NWD2: variants seen among roughly 807,000 people sequenced by gnomAD.
The protein encoded by NWD2 is NACHT and WD repeat domain-containing protein 2.
A neutral mutation model predicts 132.7 loss-of-function variants in NWD2; 37 were observed. The ratio of observed to expected loss-of-function variants is 0.28; its 90% CI spans 0.21 to 0.37. The LOEUF is 0.37. Among genes scored for constraint, NWD2 ranks in the 10% least tolerant of loss-of-function variants. The pLI is 1.00. For missense variants in NWD2, 1,592 were observed against 2,122.4 expected (o/e 0.75, Z 4.91); for synonymous variants, 705 against 803.0 (o/e 0.88, Z 2.06).
intron 3 of NWD2, among the ~76,000 whole-genome samples, chr4:37,395,610 G>C (rs201951502): frequency 1.7e-3 from 83 of 49,364 alleles, no homozygotes; most frequent in African/African-American, 5.1e-3. Flanking sequence ...AAAAAAAAAA[G>C]AGTCTGCCTC....
chr4:37,277,583 T>TA (rs879451062), intron 1 of NWD2, among the ~76,000 whole-genome samples: 11 of 151,784 alleles, frequency 7.2e-5, no homozygotes, highest in South Asian at 4.2e-4. Flanking sequence ...ACTCTAAATT[T>TA]AAAAAAAAAT....
chr4:37,329,423 G>A (rs927858576), intron 2 of NWD2, among the ~76,000 whole-genome samples: 4 of 152,180 alleles, frequency 2.6e-5, no homozygotes, highest in Non-Finnish European at 4.4e-5. Flanking sequence ...GAAAGACTCG[G>A]TGATAAGGCA....
chr4:37,272,250 TTGTTC>T (rs1717886908), intron 1 of NWD2, among the ~76,000 whole-genome samples: 1 of 151,718 alleles, frequency 6.6e-6, no homozygotes, highest in Non-Finnish European at 1.5e-5. Context: ...AGGAAGGATA[TTGTTC>T]TGTAGTTTTC....
chr4:37,262,004 T>C (rs1006585991), intron 1 of NWD2, among the ~76,000 whole-genome samples: 3 of 152,206 alleles, frequency 2.0e-5, no homozygotes, highest in African/African-American at 7.2e-5. Flanking sequence ...GTCATTGTAC[T>C]GGAAAGTAGA....
At chr4:37,366,002 A>G (rs1039354019) in intron 3 of NWD2, among the ~76,000 whole-genome samples, 1 of 152,232 alleles carries the variant, frequency 6.6e-6, no homozygotes, top group Non-Finnish European at 1.5e-5. Context: ...TGTTTTTAAA[A>G]AGACAGTAGG....
At chr4:37,315,996 T>A (rs1215419204) in intron 1 of NWD2, among the ~76,000 whole-genome samples, 1 of 152,062 alleles carries the variant, frequency 6.6e-6, no homozygotes, top group Admixed American at 6.5e-5. Context: ...ATATATGTAT[T>A]ATGTGTATGT....
At chr4:37,271,811 A>C (rs2109263702) in intron 1 of NWD2, among the ~76,000 whole-genome samples, 1 of 151,862 alleles carries the variant, frequency 6.6e-6, no homozygotes, top group Non-Finnish European at 1.5e-5. Flanking sequence ...CGATAGATTC[A>C]AGTCACTGAC....
At position 37,443,452 on chromosome 4, in the gene NWD2, G is replaced by T; in HGVS notation, c.1464G>T (p.Lys488Asn). The change falls in exon 7 of 7, where the codon AAG (lysine) becomes AAT (asparagine). Residue 488 changes from lysine to asparagine, a missense_variant. By Grantham distance (94) the Lys-to-Asn change is moderately conservative. Coordinates refer to ENST00000309447, the MANE Select transcript of NWD2 (RefSeq NM_001144990.2). This position sits in a 1 kb window ranked among gnomAD's most constrained non-coding sequence, Gnocchi z 4.1. ...GTCTGGTTCAAAGCTACCCTAAGAA[G>T]ATCCATGACCTCTGTGACTTATTTA... ...YRCLVQSYPK[K>N]IHDLCDLFIN... The T allele has an allele frequency of 6.4e-7, 1 of 1,552,238 alleles. No homozygotes were observed. Among genetic ancestry groups the T allele is most frequent in the Non-Finnish European group, 8.7e-7 (1 of 1,147,120 alleles).
chr4:37,339,158 A>G lies in NWD2; in HGVS notation c.240+13134A>G, dbSNP rs576606551. Among the ~76,000 whole-genome samples, 141 of 152,332 alleles carry G rather than the reference A, an allele frequency of 9.3e-4. 1 individual carries two copies. Among genetic ancestry groups the G allele is most frequent in the African/African-American group, 2.9e-3 (122 of 41,584 alleles). On this transcript the variant is annotated intron_variant, in intron 2 of 6. Transcript: ENST00000309447. ...AACCTTACCAAGTTGACATTCCCAG[A>G]AGTATTATAAGCATGTTACATCATC...
At chr4:37,407,678 A>G (rs1161852820) in intron 3 of NWD2, among the ~76,000 whole-genome samples, 2 of 152,244 alleles carry the variant, frequency 1.3e-5, no homozygotes, top group Admixed American at 1.3e-4. Flanking sequence ...GAAATGTTGA[A>G]GCAACTGGGA....
At chr4:37,258,124 T>C (rs933068616) in intron 1 of NWD2, among the ~76,000 whole-genome samples, 1 of 152,404 alleles carries the variant, frequency 6.6e-6, no homozygotes, top group East Asian at 1.9e-4. Context: ...ATAGTTTTGC[T>C]CATAGTTCCA....
chr4:37,327,441 A>C (rs1480037722), intron 2 of NWD2, among the ~76,000 whole-genome samples: 1 of 152,194 alleles, frequency 6.6e-6, no homozygotes, highest in East Asian at 1.9e-4. Flanking sequence ...AGGCAGGTGC[A>C]CTGAATCAGC....
chr4:37,423,980 T>C (rs1050421796), intron 3 of NWD2, among the ~76,000 whole-genome samples: 4 of 152,148 alleles, frequency 2.6e-5, no homozygotes, highest in African/African-American at 9.7e-5. Context: ...TGTTAAGTTG[T>C]GAATAAGGTG....
At chr4:37,339,955 T>TTG (rs1491159380) in intron 2 of NWD2, among the ~76,000 whole-genome samples, 3 of 127,862 alleles carry the variant, frequency 2.3e-5, no homozygotes, top group African/African-American at 9.5e-5. Flanking sequence ...TTTCTGGTTG[T>TTG]TTTTTTTTTT....
rs183313330 is a variant in NWD2 at position 37,368,373 on chromosome 4, G to A, written c.357+11891G>A. Among the ~76,000 whole-genome samples the A allele has an allele frequency of 1.1e-4, 16 of 152,294 alleles. No individual in the cohort carries two copies. The East Asian group carries it at 2.5e-3, about 24-fold the overall frequency. Reference sequence around the variant, plus strand: ...AAAGTCTCAAAATGCTTCTAGGAATGTGTATTTTCCATTGTTGTCCAATAA... The same window carrying A: ...AAAGTCTCAAAATGCTTCTAGGAATATGTATTTTCCATTGTTGTCCAATAA... On this transcript the variant is annotated intron_variant, in intron 3 of 6. Transcript: ENST00000309447.
At chr4:37,279,066 A>T (rs1618446) in intron 1 of NWD2, among the ~76,000 whole-genome samples, 3,575 of 151,846 alleles carry the variant, frequency 0.024, 138 homozygotes, top group African/African-American at 0.081. Flanking sequence ...AAGGTTGATT[A>T]AAAAAAACAC....
Position 37,348,637 on chromosome 4 carries a change from CATATATATATATATATATAT to C in NWD2, c.241-7709_241-7690del, listed in dbSNP as rs370439742. ...TTAAGATCCTTGCCTGTGGTTAATT[CATATATATATATATATATAT>C]ATATATATATATATATATACACACA... On this transcript the variant is annotated intron_variant, in intron 2 of 6. Coordinates refer to ENST00000309447, the MANE Select transcript of NWD2 (RefSeq NM_001144990.2). Among the ~76,000 whole-genome samples, 6 of 26,550 alleles carry C rather than the reference CATATATATATATATATATAT, an allele frequency of 2.3e-4. 1 individual carries two copies. The South Asian group carries it at 0.011, about 47-fold the overall frequency. The allele number at this position is 26,550 out of a possible 152,430, so 17.4% of individuals were successfully genotyped here. A position where few individuals can be genotyped will look rare whatever the true frequency, so the allele number is the denominator to read the frequency against.
chr4:37,256,605 G>A (rs1717525685), intron 1 of NWD2, among the ~76,000 whole-genome samples: 1 of 152,068 alleles, frequency 6.6e-6, no homozygotes, highest in African/African-American at 2.4e-5. Context: ...GTTATCAAAT[G>A]CTTAAAAAAA....
rs1006441647 is a variant in NWD2, at chr4:37,448,725, A to C, written c.*1508A>C. 6.6e-6 allele frequency: 1 copy of C among 152,200 alleles called. No homozygotes were observed. The highest frequency in any genetic ancestry group is 2.4e-5 in the African/African-American group (1 of 41,460). 9.4% of individuals were successfully genotyped at this position (152,200 alleles called of 1,614,324 possible). A position where few individuals can be genotyped will look rare whatever the true frequency, so the allele number is the denominator to read the frequency against. ...ATTGTGTATTCCTAGACAGGTCTTT[A>C]ACTTCATCAGTGTGTTGTTTTTGTG... On this transcript the variant is annotated 3_prime_UTR_variant, in exon 7 of 7. Transcript: ENST00000309447.
Sources: allele counts gnomAD v4.1 joint callset (sites outside exome capture counted in the v4.1 genomes callset), GRCh38; gene constraint gnomAD v4.1.1; non-coding constraint Gnocchi (gnomAD v3.1); transcripts MANE v1.5; gene names NCBI Gene and HGNC (gene_info 2026-07-23, HGNC 2026-07-21).